PCDHGA10: variants seen among roughly 807,000 people sequenced by gnomAD.
The protein encoded by PCDHGA10 is protocadherin gamma subfamily A, 10.
Under a neutral mutation model 59.5 loss-of-function variants are expected in PCDHGA10, and 42 were observed. That is an observed-to-expected ratio of 0.71 (90% CI 0.55 to 0.91). The LOEUF (loss-of-function observed/expected upper bound fraction) is 0.91, where lower values mean the gene tolerates loss of function less well. Among genes scored for constraint, PCDHGA10 ranks in the 40% least tolerant of loss-of-function variants. PCDHGA10 has a pLI of 0.00. For synonymous variants in PCDHGA10, 511 were observed against 517.2 expected, an observed-to-expected ratio of 0.99 and a Z score of 0.16; for missense variants, 1,111 against 1,198.2, an observed-to-expected ratio of 0.93 and a Z score of 1.07.
At chr5:141,437,463 AC>A (rs2097887109) in intron 1 of PCDHGA10, among the ~76,000 whole-genome samples, 1 of 152,184 alleles carries the variant, frequency 6.6e-6, no homozygotes, top group Non-Finnish European at 1.5e-5. Flanking sequence ...ACTATACTAT[AC>A]TTTTATAGCA....
At chr5:141,437,150 A>T (rs572721302) in intron 1 of PCDHGA10, among the ~76,000 whole-genome samples, 1 of 152,328 alleles carries the variant, frequency 6.6e-6, no homozygotes, top group East Asian at 1.9e-4. Flanking sequence ...CATAATTAAC[A>T]TATGTGTTGA....
rs866710706 is a variant in PCDHGA10, at chr5:141,485,167, G to A, written c.2437-9640G>A. On this transcript the variant is annotated intron_variant, in intron 1 of 3. Transcript: ENST00000398610. The surrounding 1 kb of genome is among the most constrained non-coding windows in gnomAD (Gnocchi z 5.7). ...AGGAGCAAGTAGAGAATTAGCGGGC[G>A]GCAGCAATGCTCCGCAAGGTGAGAA... The A allele has an allele frequency of 6.2e-7, 1 of 1,608,386 alleles. No homozygotes were observed.
rs1457243337 is a variant in PCDHGA10 at position 141,493,567 on chromosome 5, C to T, written c.2437-1240C>T. Reference sequence around the variant, plus strand: ...TTTGGAGATTGAGTTCCCCCAGCTCCGTTTCCTCCTATCACAATCACTGCA... The same window carrying T: ...TTTGGAGATTGAGTTCCCCCAGCTCTGTTTCCTCCTATCACAATCACTGCA... On this transcript the variant is annotated intron_variant, in intron 1 of 3. Transcript: ENST00000398610. This position sits in a 1 kb window ranked among gnomAD's most constrained non-coding sequence, Gnocchi z 4.3. Among the ~76,000 whole-genome samples, 3 of 152,266 alleles carry T rather than the reference C, an allele frequency of 2.0e-5. No individual in the cohort carries two copies. The highest frequency in any genetic ancestry group is 4.4e-5 in the Non-Finnish European group (3 of 68,018).
intron 1 of PCDHGA10, among the ~76,000 whole-genome samples, chr5:141,453,310 T>C (rs566320120): frequency 6.6e-6 from 1 of 152,044 alleles, no homozygotes; most frequent in South Asian, 2.1e-4. Context: ...TTTATTTATT[T>C]ATTTTAGAGA....
intron 1 of PCDHGA10, chr5:141,415,979 C>T (rs2095978015): frequency 2.8e-6 from 1 of 351,190 alleles, no homozygotes; most frequent in Middle Eastern, 8.3e-4. Flanking sequence ...TTAAGCAACC[C>T]TCTTGTTCTG....
intron 1 of PCDHGA10, chr5:141,421,683 A>G (rs1238944281): frequency 1.2e-6 from 2 of 1,613,758 alleles, no homozygotes; most frequent in African/African-American, 1.3e-5. Flanking sequence ...CTGGGGCGCG[A>G]TTTGCTCTTC....
chr5:141,454,088 T>C (rs2154564493), intron 1 of PCDHGA10, among the ~76,000 whole-genome samples: 1 of 152,342 alleles, frequency 6.6e-6, no homozygotes. Context: ...CAGTGAAATT[T>C]GAATTGAACA....
In PCDHGA10 at chr5:141,485,429, A is replaced by T. The variant is rs1388904857; in HGVS notation, c.2437-9378A>T. On this transcript the variant is annotated intron_variant, in intron 1 of 3. Transcript: ENST00000398610. This position sits in a 1 kb window ranked among gnomAD's most constrained non-coding sequence, Gnocchi z 5.7. Reference sequence around the variant, plus strand: ...GGATTTGGACAGCGGAGCCCTGCTCATCAAGAACCCAATCGACCGAGAGGC... The same window carrying T: ...GGATTTGGACAGCGGAGCCCTGCTCTTCAAGAACCCAATCGACCGAGAGGC... The T allele has an allele frequency of 6.2e-7, 1 of 1,614,090 alleles. No homozygotes were observed. Among genetic ancestry groups the T allele is most frequent in the Non-Finnish European group, 8.5e-7 (1 of 1,180,052 alleles).
chr5:141,498,919 CG>C (rs2099786825), intron 2 of PCDHGA10, among the ~76,000 whole-genome samples: 1 of 122,240 alleles, frequency 8.2e-6, no homozygotes, highest in African/African-American at 3.1e-5. Context: ...GGTGACAGAG[CG>C]AGACTCCATC....
At chr5:141,422,498 C>T (rs1482415670) in intron 1 of PCDHGA10, 1 of 1,613,964 alleles carries the variant, frequency 6.2e-7, no homozygotes, top group Admixed American at 1.7e-5. Flanking sequence ...ATAACGTTGA[C>T]AGCCACAGAC....
At chr5:141,506,649 T>C (rs1487823663) in intron 3 of PCDHGA10, among the ~76,000 whole-genome samples, 1 of 152,114 alleles carries the variant, frequency 6.6e-6, no homozygotes, top group Admixed American at 6.6e-5. Context: ...CAGCACAGGA[T>C]TGGCAGAGAG....
rs769101242 is a variant in PCDHGA10 at position 141,414,060 on chromosome 5, G to C, written c.885G>C (p.Lys295Asn). 1 of 1,609,304 alleles carries C rather than the reference G, an allele frequency of 6.2e-7. No individual in the cohort carries two copies. Among genetic ancestry groups the C allele is most frequent in the South Asian group, 1.1e-5 (1 of 90,470 alleles). ...AATTACCTGACACGCAATTGTTGAA[G>C]TTCCAACTAAACAAATATACTGGAG... ...FRKLPDTQLL[K>N]FQLNKYTGEI... Residue 295 changes from lysine to asparagine, a missense_variant, in exon 1 of 4, where the codon AAG becomes AAC. Coordinates refer to ENST00000398610, the MANE Select transcript of PCDHGA10 (RefSeq NM_018913.3).
Position 141,476,348 on chromosome 5 carries a change from G to C in PCDHGA10, c.2437-18459G>C, listed in dbSNP as rs764669470. Reference sequence around the variant, plus strand: ...GTCTGGAGCTAGCCGAAGATTCTTTGAGGTGAACCGGGAGACCGGAGAGAT... The same window carrying C: ...GTCTGGAGCTAGCCGAAGATTCTTTCAGGTGAACCGGGAGACCGGAGAGAT... On this transcript the variant is annotated intron_variant, in intron 1 of 3. Transcript: ENST00000398610. The surrounding 1 kb of genome is among the most constrained non-coding windows in gnomAD (Gnocchi z 7.6). 2 of 1,614,190 alleles carry C rather than the reference G, an allele frequency of 1.2e-6. No individual in the cohort carries two copies. The highest frequency in any genetic ancestry group is 2.2e-5 in the South Asian group (2 of 91,078).
intron 1 of PCDHGA10, chr5:141,416,406 T>C (rs2096021956): frequency 6.6e-6 from 1 of 152,224 alleles, no homozygotes; most frequent in Non-Finnish European, 1.5e-5. Flanking sequence ...TTGTCTTTTT[T>C]GTTAAATTTT....
At position 141,491,289 on chromosome 5, in the gene PCDHGA10, C is replaced by T. The variant is rs2099710219; in HGVS notation, c.2437-3518C>T. ...CCAAATCCAGTGACTTCCTCATACA[C>T]CCTCCTGAGCGTTCAGACCTTACCC... On this transcript the variant is annotated intron_variant, in intron 1 of 3. Transcript: ENST00000398610. The surrounding 1 kb of genome is among the most constrained non-coding windows in gnomAD (Gnocchi z 6.9). 2 of 1,614,112 alleles carry T rather than the reference C, an allele frequency of 1.2e-6. No homozygotes were observed. The highest frequency in any genetic ancestry group is 1.7e-6 in the Non-Finnish European group (2 of 1,179,942).
intron 1 of PCDHGA10, among the ~76,000 whole-genome samples, chr5:141,460,793 A>T (rs954317795): frequency 2.0e-4 from 30 of 152,024 alleles, no homozygotes; most frequent in Non-Finnish European, 2.9e-5. Flanking sequence ...TATACACACA[A>T]AGTATATATA....
At chr5:141,509,625 G>T (rs915049847) in intron 3 of PCDHGA10, among the ~76,000 whole-genome samples, 1 of 152,186 alleles carries the variant, frequency 6.6e-6, no homozygotes, top group Non-Finnish European at 1.5e-5. Flanking sequence ...AAGTTCCTGG[G>T]TGATGCTGAG....
intron 2 of PCDHGA10, among the ~76,000 whole-genome samples, chr5:141,503,456 A>G (rs920770738): frequency 1.3e-5 from 2 of 152,058 alleles, no homozygotes; most frequent in African/African-American, 4.8e-5. Context: ...TTCGCTGGGC[A>G]TGGTGGCATG....
intron 1 of PCDHGA10, among the ~76,000 whole-genome samples, chr5:141,436,243 TA>T (rs1428637183): frequency 6.6e-6 from 1 of 152,154 alleles, no homozygotes; most frequent in Non-Finnish European, 1.5e-5. Context: ...TAACATGGTC[TA>T]ATTATTCTGA....
Sources: gnomAD v4.1 joint callset for allele counts (sites outside exome capture counted in the v4.1 genomes callset) on GRCh38, gnomAD v4.1.1 for gene constraint, Gnocchi (gnomAD v3.1) non-coding constraint, MANE v1.5 for transcripts, NCBI Gene and HGNC (gene_info 2026-07-23, HGNC 2026-07-21) for gene names.